SETX: variants seen among roughly 807,000 people sequenced by gnomAD.
The protein encoded by SETX is helicase senataxin.
A neutral mutation model predicts 227.2 loss-of-function variants in SETX; 90 were observed. That is an observed-to-expected ratio of 0.40 (90% CI 0.33 to 0.47). The LOEUF (loss-of-function observed/expected upper bound fraction) is 0.47, where lower values mean the gene tolerates loss of function less well. Ranked by LOEUF, SETX falls within the 20% of genes least tolerant of loss-of-function variation. SETX has a pLI of 0.91. For missense variants in SETX, 3,052 were observed against 3,181.5 expected (o/e 0.96, Z 0.98); for synonymous variants, 1,210 against 1,113.2 (o/e 1.09, Z -1.73).
chr9:132,269,562 C>T, intron 25 of SETX, 53 bp downstream of exon 25: 2 of 1,611,326 alleles, frequency 1.2e-6, no homozygotes, highest in South Asian at 1.1e-5. Context: ...AGAACAAAAA[C>T]TCAATCCAAC....
intron 10 of SETX, among the ~76,000 whole-genome samples, chr9:132,321,797 G>A (rs900157935): frequency 7.4e-5 from 11 of 148,892 alleles, no homozygotes; most frequent in Non-Finnish European, 1.0e-4. Flanking sequence ...GCGGTGAGCC[G>A]AGATCGTGCC....
chr9:132,326,277 G>A (rs746708769), intron 10 of SETX, 47 bp downstream of exon 10: 5 of 1,397,354 alleles, frequency 3.6e-6, no homozygotes, highest in Admixed American at 1.7e-5. Flanking sequence ...AGGTAAAGAG[G>A]TAACTTGAAA....
intron 7 of SETX, among the ~76,000 whole-genome samples, chr9:132,332,223 T>C (rs987524987): frequency 2.0e-5 from 3 of 152,252 alleles, no homozygotes; most frequent in Non-Finnish European, 4.4e-5. Flanking sequence ...CATATTCCTA[T>C]AATCATACAC....
chr9:132,327,010 C>T lies in SETX; in HGVS notation c.4588G>A (p.Glu1530Lys). ...IELIHGKDTV[E>K]VEEDSVSRPQ... The stretch of plus-strand genomic sequence containing the variant: ...CGACTTACAGAATCTTCTTCAACCT[C>T]AACTGTATCTTTTCCATGAATTAGT... Residue 1530 changes from glutamate (E) to lysine (K), a missense_variant, in exon 10 of 26, where the codon GAG becomes AAG. Transcript: ENST00000224140. 1 of 1,614,206 alleles carries T rather than the reference C, an allele frequency of 6.2e-7. No homozygotes were observed. The highest frequency in any genetic ancestry group is 8.5e-7 in the Non-Finnish European group (1 of 1,180,038).
At chr9:132,294,321 T>C (rs1461824005) in intron 15 of SETX, among the ~76,000 whole-genome samples, 1 of 152,214 alleles carries the variant, frequency 6.6e-6, no homozygotes, top group Non-Finnish European at 1.5e-5. Flanking sequence ...CATGTTTTAA[T>C]AAAGTTTTGT....
chr9:132,293,965 A>C (rs1430148031), intron 15 of SETX, among the ~76,000 whole-genome samples: 1 of 152,026 alleles, frequency 6.6e-6, no homozygotes, highest in Non-Finnish European at 1.5e-5. Context: ...CGGAGCTTGC[A>C]GTGAGCCGAG....
rs950253764 is a variant in SETX at position 132,281,634 on chromosome 9, T to C, written c.6547-60A>G. The C allele has an allele frequency of 1.1e-4, 132 of 1,173,322 alleles. 2 individuals carry two copies. In the Admixed American group the frequency reaches 2.2e-3, roughly 20 times the overall value. The allele number at this position is 1,173,322 out of a possible 1,614,324, so 72.7% of individuals were successfully genotyped here. The stretch of plus-strand genomic sequence containing the variant: ...CAATCTTTGCTATTTATCCATATAG[T>C]TTATCTGATTAAAGTTCTAACCATT... On this transcript the variant is annotated intron_variant, in intron 19 of 25. Coordinates refer to ENST00000224140, the MANE Select transcript of SETX (RefSeq NM_015046.7).
chr9:132,346,543 A>AG, intron 3 of SETX, 72 bp from the exon 4 acceptor site: 2 of 1,099,804 alleles, frequency 1.8e-6, no homozygotes, highest in Non-Finnish European at 2.7e-6. Flanking sequence ...GTGACGACCT[A>AG]GAAAGCCTTT....
At position 132,288,626 on chromosome 9, in the gene SETX, T is replaced by A; in HGVS notation, c.6132A>T (p.Val2044=). 1 of 1,613,496 alleles carries A rather than the reference T, an allele frequency of 6.2e-7. No homozygotes were observed. Among genetic ancestry groups the A allele is most frequent in the South Asian group, 1.1e-5 (1 of 91,056 alleles). Residue 2044 remains valine, a synonymous_variant, in exon 16 of 26, where the codon GTA becomes GTT. Coordinates refer to ENST00000224140, the MANE Select transcript of SETX (RefSeq NM_015046.7). ...TAATAGACTTTTCTGGACCCAGTCG[T>A]ACTAAATTTATATCTCCACAGTTTC... The part of the protein sequence containing the change: ...PLGNCGDINL[V]RLGPEKSINS...
chr9:132,327,037 C>T lies in SETX; in HGVS notation c.4561G>A (p.Glu1521Lys). Reference sequence around the variant, plus strand: ...ACTGTATCTTTTCCATGAATTAGTTCAATGAGTTTATAATTGTCATTCTCC... The same window carrying T: ...ACTGTATCTTTTCCATGAATTAGTTTAATGAGTTTATAATTGTCATTCTCC... ...QMENDNYKLI[E>K]LIHGKDTVEV... is the part of the protein sequence containing the mutation. Residue 1521 changes from glutamate to lysine, a missense_variant, in exon 10 of 26, where the codon GAA becomes AAA. Physicochemically the swap from Glu to Lys is moderately conservative, Grantham distance 56. Transcript: ENST00000224140. 1 of 1,614,148 alleles carries T rather than the reference C, an allele frequency of 6.2e-7. No individual in the cohort carries two copies. The highest frequency in any genetic ancestry group is 8.5e-7 in the Non-Finnish European group (1 of 1,180,014).
At chr9:132,265,350 C>T (rs562514278) in intron 25 of SETX, among the ~76,000 whole-genome samples, 3 of 151,606 alleles carry the variant, frequency 2.0e-5, no homozygotes, top group South Asian at 4.2e-4. Flanking sequence ...CTCAACCTCC[C>T]GAGTAGCTGG....
intron 10 of SETX, among the ~76,000 whole-genome samples, chr9:132,315,479 T>C (rs564803847): frequency 6.6e-6 from 1 of 152,322 alleles, no homozygotes; most frequent in East Asian, 1.9e-4. Context: ...CTTGCATCAA[T>C]TTCTTCCTGC....
At chr9:132,319,375 C>T (rs971088470) in intron 10 of SETX, among the ~76,000 whole-genome samples, 1 of 152,128 alleles carries the variant, frequency 6.6e-6, no homozygotes, top group Non-Finnish European at 1.5e-5. Flanking sequence ...ATTACTATTC[C>T]CCCAGTCTAA....
intron 10 of SETX, among the ~76,000 whole-genome samples, chr9:132,318,133 A>T (rs1291436240): frequency 1.3e-5 from 2 of 152,126 alleles, no homozygotes; most frequent in Non-Finnish European, 2.9e-5. Context: ...CACGTTCTTC[A>T]GTTGTATCCA....
intron 10 of SETX, among the ~76,000 whole-genome samples, chr9:132,322,487 T>G (rs1290322659): frequency 1.3e-5 from 2 of 152,250 alleles, no homozygotes; most frequent in Non-Finnish European, 2.9e-5. Flanking sequence ...ATATGTGACC[T>G]TCTGTCCCTG....
In SETX at chr9:132,296,039, C is replaced by G. The variant is rs1158593665; in HGVS notation, c.5950-11G>C. ...CCCCTTCCTCTGGTTCTACAATTTG[C>G]CACATATACATACCAAACAAACACA... is the stretch of plus-strand genomic sequence containing the variant. On this transcript the variant is annotated splice_polypyrimidine_tract_variant and intron_variant, in intron 14 of 25. Transcript: ENST00000224140. 6.2e-7 allele frequency: 1 copy of G among 1,614,116 alleles called. No homozygotes were observed. The highest frequency in any genetic ancestry group is 1.7e-5 in the Admixed American group (1 of 60,004).
chr9:132,271,707 C>A lies in SETX; in HGVS notation c.7199+3G>T. On this transcript the variant is annotated splice_donor_region_variant and intron_variant, in intron 24 of 25. Transcript: ENST00000224140. ...TAAAAGAGCAACAATGACAGTAACT[C>A]ACCCAATTGAACCTTGGATGCTATT... 1 of 1,606,336 alleles carries A rather than the reference C, an allele frequency of 6.2e-7. No individual in the cohort carries two copies. Among genetic ancestry groups the A allele is most frequent in the African/African-American group, 1.4e-5 (1 of 70,498 alleles).
chr9:132,311,447 CAGA>C (rs1274703336), intron 11 of SETX, among the ~76,000 whole-genome samples: 9 of 152,122 alleles, frequency 5.9e-5, no homozygotes, highest in African/African-American at 1.7e-4. Context: ...AAGATTTACT[CAGA>C]ATCTGTAAAG....
At chr9:132,334,101 A>G (rs1450652868) in intron 7 of SETX, among the ~76,000 whole-genome samples, 2 of 152,146 alleles carry the variant, frequency 1.3e-5, no homozygotes, top group East Asian at 3.8e-4. Context: ...TTCATCATGA[A>G]AAAGTAGATT....
Sources: allele counts gnomAD v4.1 joint callset (sites outside exome capture counted in the v4.1 genomes callset), GRCh38; gene constraint gnomAD v4.1.1; transcripts MANE v1.5; gene names NCBI Gene and HGNC (gene_info 2026-07-23, HGNC 2026-07-21).